Variants in PDZRN3 observed in about 807,000 individuals in gnomAD.
PDZRN3 encodes E3 ubiquitin-protein ligase PDZRN3.
PDZRN3 carries 38 observed loss-of-function variants against 85.7 expected under a neutral mutation model. The observed-to-expected ratio is 0.44, with a 90% confidence interval of 0.34 to 0.58. PDZRN3 has a LOEUF of 0.58. Among genes scored for constraint, PDZRN3 ranks in the 20% least tolerant of loss-of-function variants. PDZRN3 has a pLI of 0.01. For missense variants in PDZRN3, 1,629 were observed against 1,506.4 expected (o/e 1.08, Z -1.35); for synonymous variants, 759 against 638.0 (o/e 1.19, Z -2.86).
At chr3:73,519,262 G>A (rs1426321703) in intron 3 of PDZRN3, among the ~76,000 whole-genome samples, 1 of 152,222 alleles carries the variant, frequency 6.6e-6, no homozygotes, top group Non-Finnish European at 1.5e-5. Context: ...GCGTAAAGAG[G>A]AGGCCAGAGC....
At chr3:73,453,404 C>CAAAA (rs1184407369) in intron 3 of PDZRN3, among the ~76,000 whole-genome samples, 18 of 97,510 alleles carry the variant, frequency 1.8e-4, no homozygotes, top group African/African-American at 5.3e-4. Flanking sequence ...GACTTCGTCT[C>CAAAA]AAAAAAAAAA....
At chr3:73,609,780 G>C (rs1386637089) in intron 1 of PDZRN3, among the ~76,000 whole-genome samples, 1 of 152,122 alleles carries the variant, frequency 6.6e-6, no homozygotes, top group Non-Finnish European at 1.5e-5. Flanking sequence ...CTTTTCTGGG[G>C]AAATAAATGG....
At chr3:73,402,960 T>TTG (rs1701782791) in intron 4 of PDZRN3, among the ~76,000 whole-genome samples, 1 of 98,944 alleles carries the variant, frequency 1.0e-5, no homozygotes, top group African/African-American at 3.7e-5. Context: ...TTTTTTTTTT[T>TTG]TGAGACGGAG....
chr3:73,562,843 G>C (rs910490067), intron 3 of PDZRN3, among the ~76,000 whole-genome samples: 1 of 151,386 alleles, frequency 6.6e-6, no homozygotes, highest in Admixed American at 6.6e-5. Flanking sequence ...CTCACATTAA[G>C]AATGAAGTAT....
chr3:73,567,537 G>A (rs911230327), intron 3 of PDZRN3, among the ~76,000 whole-genome samples: 2 of 151,846 alleles, frequency 1.3e-5, no homozygotes, highest in African/African-American at 2.4e-5. Context: ...AACAAGCATT[G>A]GAATTCCTTC....
intron 3 of PDZRN3, among the ~76,000 whole-genome samples, chr3:73,492,984 C>A (rs886365708): frequency 3.8e-5 from 4 of 104,046 alleles, no homozygotes; most frequent in African/African-American, 1.3e-4. Context: ...GCTTTTCAAC[C>A]TTTTTTTTTT....
intron 3 of PDZRN3, among the ~76,000 whole-genome samples, chr3:73,550,196 G>A (rs1701519097): frequency 6.6e-6 from 1 of 152,178 alleles, no homozygotes; most frequent in Admixed American, 6.5e-5. Flanking sequence ...ACTAGCAACA[G>A]CTGAATCATC....
At chr3:73,459,561 G>C (rs1290907345) in intron 3 of PDZRN3, among the ~76,000 whole-genome samples, 2 of 152,000 alleles carry the variant, frequency 1.3e-5, no homozygotes, top group Non-Finnish European at 2.9e-5. Flanking sequence ...GTGTCCATGA[G>C]TTCTCATCAC....
chr3:73,553,033 G>A (rs1473068383), intron 3 of PDZRN3, among the ~76,000 whole-genome samples: 2 of 152,092 alleles, frequency 1.3e-5, no homozygotes, highest in African/African-American at 4.8e-5. Context: ...AAGAGAGAAA[G>A]CTAACATATA....
intron 3 of PDZRN3, among the ~76,000 whole-genome samples, chr3:73,550,041 G>A (rs1701515804): frequency 6.6e-6 from 1 of 152,194 alleles, no homozygotes. Flanking sequence ...TATGAACCGG[G>A]AAGCATAATA....
At chr3:73,427,099 G>C (rs1702331638) in intron 3 of PDZRN3, among the ~76,000 whole-genome samples, 1 of 152,146 alleles carries the variant, frequency 6.6e-6, no homozygotes, top group African/African-American at 2.4e-5. Context: ...AGATGGAAAA[G>C]GGATCCTTTC....
At chr3:73,424,496 C>T (rs1046396874) in intron 3 of PDZRN3, among the ~76,000 whole-genome samples, 2 of 134,552 alleles carry the variant, frequency 1.5e-5, no homozygotes, top group African/African-American at 5.7e-5. Context: ...AAGCTGAGAT[C>T]GTGCCACTGC....
At chr3:73,507,816 G>A (rs539040496) in intron 3 of PDZRN3, among the ~76,000 whole-genome samples, 2 of 152,222 alleles carry the variant, frequency 1.3e-5, no homozygotes, top group East Asian at 1.9e-4. Flanking sequence ...GCAGCTGGCC[G>A]GGCGCAGTGG....
intron 3 of PDZRN3, among the ~76,000 whole-genome samples, chr3:73,589,326 T>G (rs1702321400): frequency 6.6e-6 from 1 of 152,230 alleles, no homozygotes; most frequent in African/African-American, 2.4e-5. Context: ...TGGGATGGAT[T>G]ATTACAAAAG....
At chr3:73,401,908 C>G (rs1323230132) in intron 4 of PDZRN3, 1 of 152,222 alleles carries the variant, frequency 6.6e-6, no homozygotes, top group African/African-American at 2.4e-5. Context: ...TCTTCCCTCC[C>G]AGGCACTTAG....
intron 3 of PDZRN3, among the ~76,000 whole-genome samples, chr3:73,594,482 T>C (rs1364705983): frequency 6.6e-6 from 1 of 152,164 alleles, no homozygotes; most frequent in Non-Finnish European, 1.5e-5. Flanking sequence ...TTTACCTACA[T>C]TGTTTCCTTG....
rs533065130 is a variant in PDZRN3, at chr3:73,457,369, G to A, written c.919-52974C>T. ...ATTACAGGTATGAGCCACCGTGCCC[G>A]GCCGTACCTTAGCTCATATTAAGAG... On this transcript the variant is annotated intron_variant, in intron 3 of 9. Coordinates refer to ENST00000263666, the MANE Select transcript of PDZRN3 (RefSeq NM_015009.3). Among the ~76,000 whole-genome samples, 6 of 152,114 alleles carry A rather than the reference G, an allele frequency of 3.9e-5. No individual in the cohort carries two copies. In the South Asian group the frequency reaches 6.2e-4, roughly 16 times the overall value.
At position 73,588,430 on chromosome 3, in the gene PDZRN3, G is replaced by A. The variant is rs139942186; in HGVS notation, c.918+13924C>T. ...TATCCAAATGTAACATAAAGAAAGTGAACTCATCCTAAGTGTACATCTTGG... is the reference window on the plus strand; with the variant it reads ...TATCCAAATGTAACATAAAGAAAGTAAACTCATCCTAAGTGTACATCTTGG... On this transcript the variant is annotated intron_variant, in intron 3 of 9. Coordinates refer to ENST00000263666, the MANE Select transcript of PDZRN3 (RefSeq NM_015009.3). 2.4e-3 allele frequency among the ~76,000 whole-genome samples: 370 copies of A among 152,272 alleles called. 1 individual carries two copies. Among genetic ancestry groups the A allele is most frequent in the African/African-American group, 8.4e-3 (351 of 41,562 alleles).
intron 3 of PDZRN3, among the ~76,000 whole-genome samples, chr3:73,405,413 G>A (rs1435424647): frequency 6.6e-6 from 1 of 152,188 alleles, no homozygotes; most frequent in East Asian, 1.9e-4. Flanking sequence ...ATGTTCAGGT[G>A]GTTATATGCA....
Sources: gnomAD v4.1 joint callset for allele counts (sites outside exome capture counted in the v4.1 genomes callset) on GRCh38, gnomAD v4.1.1 for gene constraint, MANE v1.5 for transcripts, NCBI Gene and HGNC (gene_info 2026-07-23, HGNC 2026-07-21) for gene names.